LOC400499: variants seen among roughly 807,000 people sequenced by gnomAD.
At chr16:11,424,029 G>A in the LOC400499 span, 9 of 398,952 alleles carry the variant, frequency 2.3e-5, no homozygotes, top group Admixed American at 3.5e-4. Context: ...CCCACACTCT[G>A]GGCAGAAGCA....
At chr16:11,504,998 T>A in the LOC400499 span, among the ~76,000 whole-genome samples, 1 of 152,052 alleles carries the variant, frequency 6.6e-6, no homozygotes, top group African/African-American at 2.4e-5. Context: ...CAGCAACTGG[T>A]CTAAGCTGAC....
At chr16:11,443,330 C>CAAAAAAAAAAA in the LOC400499 span, 1 of 257,982 alleles carries the variant, frequency 3.9e-6, no homozygotes, top group Non-Finnish European at 6.8e-6. Flanking sequence ...TCCTCAGTCT[C>CAAAAAAAAAAA]AAAAAAAAAA....
chr16:11,469,578 C>T, the LOC400499 span: 1 of 399,064 alleles, frequency 2.5e-6, no homozygotes, highest in Admixed American at 4.4e-5. Context: ...AGCTGTAGCT[C>T]ATGTCCACCC....
chr16:11,391,436 G>A, the LOC400499 span, among the ~76,000 whole-genome samples: 13 of 152,338 alleles, frequency 8.5e-5, no homozygotes, highest in African/African-American at 3.1e-4. Flanking sequence ...AGGGAGATGA[G>A]CTTGGAGACT....
the LOC400499 span, chr16:11,459,856 G>C: frequency 7.6e-7 from 1 of 1,318,366 alleles, no homozygotes; most frequent in Non-Finnish European, 9.7e-7. Flanking sequence ...GTCCATGCTG[G>C]ACTCATGGGG....
chr16:11,439,073 A>G, the LOC400499 span, among the ~76,000 whole-genome samples: 1 of 152,104 alleles, frequency 6.6e-6, no homozygotes, highest in Admixed American at 6.6e-5. Context: ...CAGCCTGCTC[A>G]ATGAAGCCAC....
the LOC400499 span, among the ~76,000 whole-genome samples, chr16:11,504,650 C>T: frequency 6.6e-6 from 1 of 152,050 alleles, no homozygotes; most frequent in Non-Finnish European, 1.5e-5. Context: ...AGGCTGGGTG[C>T]AGTGGCTCAT....
chr16:11,440,625 C>T, the LOC400499 span: 1 of 397,968 alleles, frequency 2.5e-6, no homozygotes, highest in Non-Finnish European at 4.4e-6. Context: ...AGGGTCATGT[C>T]TCCTGCCACC....
chr16:11,462,962 C>T, the LOC400499 span, among the ~76,000 whole-genome samples: 1 of 152,186 alleles, frequency 6.6e-6, no homozygotes, highest in South Asian at 2.1e-4. Flanking sequence ...TCCTGGCTCT[C>T]CCGGCTCCCA....
chr16:11,483,799 TG>T, the LOC400499 span, among the ~76,000 whole-genome samples: 7 of 151,452 alleles, frequency 4.6e-5, no homozygotes. Flanking sequence ...TGTTTGAGCC[TG>T]GGGGGCAAAG....
chr16:11,392,245 C>T, the LOC400499 span: 1 of 398,986 alleles, frequency 2.5e-6, no homozygotes. Flanking sequence ...GCTCGGGGCT[C>T]CTGGCACGGG....
chr16:11,443,467 TAAAAAAAA>T, the LOC400499 span: 4 of 133,474 alleles, frequency 3.0e-5, no homozygotes, highest in African/African-American at 1.4e-4. Flanking sequence ...GACTCTGTCT[TAAAAAAAA>T]AAAAAAAAAA....
the LOC400499 span, among the ~76,000 whole-genome samples, chr16:11,463,995 G>C: frequency 6.6e-6 from 1 of 152,172 alleles, no homozygotes; most frequent in Non-Finnish European, 1.5e-5. Context: ...GTGTGTATAT[G>C]AATGTGCATA....
At chr16:11,468,283 G>A in the LOC400499 span, among the ~76,000 whole-genome samples, 4 of 152,126 alleles carry the variant, frequency 2.6e-5, no homozygotes, top group African/African-American at 4.8e-5. Flanking sequence ...GGAAATTTGG[G>A]ACATGGCATG....
chr16:11,498,642 G>A, the LOC400499 span, among the ~76,000 whole-genome samples: 1 of 151,708 alleles, frequency 6.6e-6, no homozygotes, highest in East Asian at 1.9e-4. Context: ...GAACCTGCCA[G>A]GGCTCATGCA....
At chr16:11,440,582 C>G in the LOC400499 span, 1 of 397,442 alleles carries the variant, frequency 2.5e-6, no homozygotes, top group East Asian at 3.6e-5. Context: ...CACACACACA[C>G]TGCCAAAATA....
chr16:11,471,433 G>C, the LOC400499 span: 1 of 382,340 alleles, frequency 2.6e-6, no homozygotes, highest in Non-Finnish European at 4.6e-6. Context: ...CTGAGGAAGT[G>C]ACCCCTGAAC....
the LOC400499 span, among the ~76,000 whole-genome samples, chr16:11,391,011 G>C: frequency 6.6e-6 from 1 of 152,246 alleles, no homozygotes; most frequent in African/African-American, 2.4e-5. Flanking sequence ...TGACACTCCT[G>C]CATCCCCTCA....
At chr16:11,487,488 G>A in the LOC400499 span, 1 of 396,796 alleles carries the variant, frequency 2.5e-6, no homozygotes, top group South Asian at 1.3e-4. Flanking sequence ...GATACATGGT[G>A]TGTCTTCCCA....
Sources: allele counts gnomAD v4.1 joint callset (sites outside exome capture counted in the v4.1 genomes callset), GRCh38; gene constraint gnomAD v4.1.1; transcripts MANE v1.5.